Variants in STON1 observed in about 807,000 individuals in gnomAD.
STON1 encodes the protein stonin-1.
Under a neutral mutation model 60.9 loss-of-function variants are expected in STON1, and 79 were observed. That is an observed-to-expected ratio of 1.30 (90% CI 1.08 to 1.56). The LOEUF is 1.56. STON1 is among the 40% of genes most tolerant of loss of function. The pLI is 0.00. For synonymous variants in STON1, 363 were observed against 306.9 expected (o/e 1.18, Z -1.91); for missense variants, 1,166 against 858.9 (o/e 1.36, Z -4.47).
intron 1 of STON1, among the ~76,000 whole-genome samples, chr2:48,544,850 A>G (rs556070937): frequency 5.9e-4 from 90 of 152,338 alleles, no homozygotes; most frequent in African/African-American, 2.1e-3. Context: ...CCCGGCCATA[A>G]GGTTTGATGC....
intron 1 of STON1, among the ~76,000 whole-genome samples, chr2:48,544,374 TTGA>T (rs1263602276): frequency 6.6e-6 from 1 of 152,162 alleles, no homozygotes; most frequent in Non-Finnish European, 1.5e-5. Context: ...AAATTGAGCA[TTGA>T]TGATCTAATT....
chr2:48,579,490 C>T (rs1673748286), intron 1 of STON1, among the ~76,000 whole-genome samples: 1 of 152,032 alleles, frequency 6.6e-6, no homozygotes, highest in Non-Finnish European at 1.5e-5. Flanking sequence ...ATTGGTTGTT[C>T]AAGAGTATGT....
chr2:48,583,489 T>C (rs1572636335), intron 2 of STON1, among the ~76,000 whole-genome samples: 1 of 152,322 alleles, frequency 6.6e-6, no homozygotes, highest in East Asian at 1.9e-4. Context: ...AGTCAGAACT[T>C]GAAAAGACAG....
intron 1 of STON1, among the ~76,000 whole-genome samples, chr2:48,539,283 A>G (rs960998498): frequency 2.0e-4 from 31 of 151,936 alleles, no homozygotes; most frequent in African/African-American, 7.3e-4. Flanking sequence ...ATAGATGTCT[A>G]CTACTTAATC....
intron 2 of STON1, among the ~76,000 whole-genome samples, chr2:48,585,388 C>T (rs1053429521): frequency 6.6e-6 from 1 of 152,080 alleles, no homozygotes; most frequent in Admixed American, 6.6e-5. Context: ...GCTAGGATTA[C>T]AGGCCCGCAC....
chr2:48,582,230 G>A lies in STON1; in HGVS notation c.1597G>A (p.Val533Ile), dbSNP rs138823425. Residue 533 changes from valine to isoleucine, a missense_variant, in exon 2 of 4, where the codon GTA becomes ATA. By Grantham distance (29) the Val-to-Ile change is conservative. Coordinates refer to ENST00000404752, the MANE Select transcript of STON1 (RefSeq NM_006873.4). ...GDNLPFSLKS[V>I]VVVQGAYVEL... Reference sequence around the variant, plus strand: ...TAATCTTCCCTTTTCCTTGAAGTCTGTAGTGGTTGTCCAGGGAGCATACGT... The same window carrying A: ...TAATCTTCCCTTTTCCTTGAAGTCTATAGTGGTTGTCCAGGGAGCATACGT... 2 of 1,614,124 alleles carry A rather than the reference G, an allele frequency of 1.2e-6. No homozygotes were observed. Among genetic ancestry groups the A allele is most frequent in the Admixed American group, 3.3e-5 (2 of 60,008 alleles).
intron 2 of STON1, among the ~76,000 whole-genome samples, chr2:48,587,512 C>T (rs1000614122): frequency 2.0e-5 from 3 of 152,138 alleles, no homozygotes; most frequent in African/African-American, 7.2e-5. Context: ...AGGCTGGTCT[C>T]AAACTCCTGA....
intron 2 of STON1, among the ~76,000 whole-genome samples, chr2:48,584,465 C>A (rs1348619912): frequency 1.3e-5 from 2 of 151,820 alleles, no homozygotes; most frequent in Non-Finnish European, 1.5e-5. Context: ...ACGGGGTTTT[C>A]CCATGTTGGC....
rs769876432 is a variant in STON1, at chr2:48,581,252, T to A, written c.619T>A (p.Phe207Ile). 1.3e-6 allele frequency: 2 copies of A among 1,518,142 alleles called. No homozygotes were observed. Among genetic ancestry groups the A allele is most frequent in the Admixed American group, 2.3e-5 (1 of 44,180 alleles). 94.0% of individuals were successfully genotyped at this position (1,518,142 alleles called of 1,614,324 possible). ...TLDPPGSKKM[F>I]SSRNKEMPID... is the part of the protein sequence containing the mutation. The stretch of plus-strand genomic sequence containing the variant: ...TGACCCACCAGGAAGCAAAAAGATG[T>A]TCTCATCAAGAAACAAGGAGATGCC... The change falls in exon 2 of 4, where the codon TTC becomes ATC. Residue 207 changes from phenylalanine (F) to isoleucine (I), a missense_variant. Coordinates refer to ENST00000404752, the MANE Select transcript of STON1 (RefSeq NM_006873.4).
chr2:48,582,928 C>T (rs13011288), intron 2 of STON1, among the ~76,000 whole-genome samples: 94,231 of 152,120 alleles, frequency 0.62, 29,543 homozygotes, highest in Non-Finnish European at 0.65. Flanking sequence ...TAATTAATCT[C>T]TAAAGATCTG....
intron 1 of STON1, among the ~76,000 whole-genome samples, chr2:48,548,560 G>A (rs559141856): frequency 5.3e-5 from 8 of 150,322 alleles, no homozygotes; most frequent in South Asian, 2.1e-4. Flanking sequence ...GTGCAGTGGC[G>A]TGATCTCGGC....
chr2:48,564,506 T>C (rs1376883596), intron 1 of STON1, among the ~76,000 whole-genome samples: 4 of 27,298 alleles, frequency 1.5e-4, no homozygotes, highest in African/African-American at 3.3e-4. Context: ...TTCTTCTTCT[T>C]CTTCTTCTTC....
intron 1 of STON1, among the ~76,000 whole-genome samples, chr2:48,542,764 C>T (rs143834889): frequency 0.017 from 2,631 of 152,090 alleles, 31 homozygotes; most frequent in Non-Finnish European, 0.026. Context: ...ATTAGCCAGA[C>T]GTGGTGGCAC....
At chr2:48,533,139 T>C (rs1339965861) in intron 1 of STON1, among the ~76,000 whole-genome samples, 2 of 152,016 alleles carry the variant, frequency 1.3e-5, no homozygotes, top group Non-Finnish European at 2.9e-5. Flanking sequence ...ATCCCAGCAC[T>C]TGGGGAGGCC....
intron 1 of STON1, among the ~76,000 whole-genome samples, chr2:48,549,985 C>T (rs1672031537): frequency 6.6e-6 from 1 of 151,592 alleles, no homozygotes; most frequent in Non-Finnish European, 1.5e-5. Context: ...GGGAAGAGTA[C>T]TGGCTTGGGA....
intron 2 of STON1, among the ~76,000 whole-genome samples, chr2:48,586,072 TG>T (rs1164078420): frequency 6.6e-6 from 1 of 152,244 alleles, no homozygotes; most frequent in Admixed American, 6.5e-5. Context: ...AATAAGCACT[TG>T]GCTAAAGCCT....
chr2:48,567,070 T>C (rs1462319266), intron 1 of STON1, among the ~76,000 whole-genome samples: 1 of 152,074 alleles, frequency 6.6e-6, no homozygotes, highest in Non-Finnish European at 1.5e-5. Context: ...TTAAATGCCG[T>C]AGGGGAGGGG....
intron 1 of STON1, among the ~76,000 whole-genome samples, chr2:48,532,477 T>A: frequency 6.6e-6 from 1 of 150,808 alleles, no homozygotes. Context: ...CCATAAATTC[T>A]GAGCTTGTTT....
chr2:48,539,824 C>G (rs888085033), intron 1 of STON1, among the ~76,000 whole-genome samples: 25 of 152,038 alleles, frequency 1.6e-4, no homozygotes, highest in Admixed American at 2.6e-4. Context: ...TTATAGGCCA[C>G]TCATTTTCTA....
Sources: gnomAD v4.1 joint callset for allele counts (sites outside exome capture counted in the v4.1 genomes callset) on GRCh38, gnomAD v4.1.1 for gene constraint, MANE v1.5 for transcripts, NCBI Gene and HGNC (gene_info 2026-07-23, HGNC 2026-07-21) for gene names.